ATRNL1: variants seen among roughly 807,000 people sequenced by gnomAD.
The protein encoded by ATRNL1 is attractin-like protein 1.
Under a neutral mutation model 182.7 loss-of-function variants are expected in ATRNL1, and 95 were observed. That is an observed-to-expected ratio of 0.52 (90% CI 0.44 to 0.62). ATRNL1 has a LOEUF of 0.62. Ranked by LOEUF, ATRNL1 falls within the 20% of genes least tolerant of loss-of-function variation. The probability of loss-of-function intolerance (pLI) is 0.00; values close to 1 mark genes in which losing one functional copy is unlikely to be tolerated. For missense variants in ATRNL1, 1,471 were observed against 1,679.5 expected (o/e 0.88, Z 2.17); for synonymous variants, 576 against 568.3 (o/e 1.01, Z -0.19).
intron 28 of ATRNL1, among the ~76,000 whole-genome samples, chr10:115,921,340 C>T (rs897869335): frequency 6.6e-6 from 1 of 151,796 alleles, no homozygotes; most frequent in Non-Finnish European, 1.5e-5. Flanking sequence ...TTTTTTGTCT[C>T]AGAAGTTTAT....
chr10:115,464,896 G>GTGAAGA (rs1217994296), intron 22 of ATRNL1, among the ~76,000 whole-genome samples: 17 of 151,784 alleles, frequency 1.1e-4, no homozygotes, highest in Admixed American at 3.9e-4. Context: ...AGTCCTCTGG[G>GTGAAGA]TGAAGATGAA....
intron 28 of ATRNL1, among the ~76,000 whole-genome samples, chr10:115,884,097 T>C (rs1951889741): frequency 6.6e-6 from 1 of 152,094 alleles, no homozygotes; most frequent in African/African-American, 2.4e-5. Flanking sequence ...CAAAAGAAAA[T>C]AGCAGTTTCC....
Position 115,266,929 on chromosome 10 carries a change from G to T in ATRNL1, c.1905G>T (p.Trp635Cys). The change falls in exon 12 of 29, where the codon TGG becomes TGT. Residue 635 changes from tryptophan to cysteine, a missense_variant. Physicochemically the swap from Trp to Cys is radical, Grantham distance 215 (BLOSUM62 -2). This residue lies in a region of ATRNL1 where 1,031 missense variants were observed against 1,156.0 expected (regional missense o/e 0.89). Coordinates refer to ENST00000355044, the MANE Select transcript of ATRNL1 (RefSeq NM_207303.4). ...CTGGTCCAGGGATAAAATGTGTTTG[G>T]AATAAAAATCACTGTGAATCTTGGG... is the stretch of plus-strand genomic sequence containing the variant. ...KNAGPGIKCV[W>C]NKNHCESWES... is the part of the protein sequence containing the mutation. 6.2e-7 allele frequency: 1 copy of T among 1,612,430 alleles called. No individual in the cohort carries two copies. Among genetic ancestry groups the T allele is most frequent in the Non-Finnish European group, 8.5e-7 (1 of 1,179,040 alleles).
chr10:115,527,828 CCCTT>C (rs1851307484), intron 25 of ATRNL1, among the ~76,000 whole-genome samples: 2 of 101,772 alleles, frequency 2.0e-5, no homozygotes, highest in Admixed American at 1.1e-4. Context: ...CTTCCTTCCT[CCCTT>C]CCTCCCTCCC....
At chr10:115,520,766 TGTAAA>T (rs1170629295) in intron 25 of ATRNL1, among the ~76,000 whole-genome samples, 2 of 152,214 alleles carry the variant, frequency 1.3e-5, no homozygotes, top group African/African-American at 4.8e-5. Context: ...CCTTCAGATT[TGTAAA>T]GTATTTTCTA....
chr10:115,125,858 T>G (rs782725131), intron 3 of ATRNL1, among the ~76,000 whole-genome samples: 12 of 152,218 alleles, frequency 7.9e-5, no homozygotes, highest in Admixed American at 4.6e-4. Context: ...AGCCTTGAAA[T>G]CAGCAAATGC....
At chr10:115,543,078 G>C (rs1852450844) in intron 25 of ATRNL1, among the ~76,000 whole-genome samples, 1 of 152,168 alleles carries the variant, frequency 6.6e-6, no homozygotes. Flanking sequence ...GTTCATACCA[G>C]GGAGTGTAAA....
intron 27 of ATRNL1, among the ~76,000 whole-genome samples, chr10:115,788,484 T>C (rs546197357): frequency 3.3e-5 from 5 of 152,314 alleles, no homozygotes; most frequent in South Asian, 2.1e-4. Context: ...GCAAAATTGA[T>C]GGTATAAGTA....
chr10:115,421,526 G>A (rs557032528), intron 20 of ATRNL1, among the ~76,000 whole-genome samples: 2 of 152,164 alleles, frequency 1.3e-5, no homozygotes, highest in South Asian at 4.1e-4. Context: ...GAAAAATTAG[G>A]TGTAGAGGGA....
chr10:115,434,484 C>T (rs531922184), intron 21 of ATRNL1, among the ~76,000 whole-genome samples: 1 of 152,076 alleles, frequency 6.6e-6, no homozygotes, highest in Non-Finnish European at 1.5e-5. Flanking sequence ...GGTTTCAACC[C>T]TCTTAACCAT....
intron 28 of ATRNL1, among the ~76,000 whole-genome samples, chr10:115,919,789 C>CT (rs1555118223): frequency 6.6e-6 from 1 of 152,128 alleles, no homozygotes; most frequent in Admixed American, 6.5e-5. Flanking sequence ...GATTTGGTGA[C>CT]TGGTGAGGGC....
intron 26 of ATRNL1, among the ~76,000 whole-genome samples, chr10:115,567,781 C>T (rs1555002327): frequency 6.6e-6 from 1 of 152,034 alleles, no homozygotes; most frequent in Non-Finnish European, 1.5e-5. Context: ...ATTTTAATAG[C>T]AGTTAGTTTA....
intron 28 of ATRNL1, among the ~76,000 whole-genome samples, chr10:115,915,991 A>G (rs1024777685): frequency 1.3e-5 from 2 of 152,206 alleles, no homozygotes; most frequent in Non-Finnish European, 2.9e-5. Context: ...ATTGATTTCA[A>G]TGGGAGTTAC....
intron 20 of ATRNL1, among the ~76,000 whole-genome samples, chr10:115,406,355 ATTC>A (rs1273647977): frequency 6.6e-6 from 1 of 152,058 alleles, no homozygotes; most frequent in East Asian, 1.9e-4. Context: ...TTTTATCAGT[ATTC>A]TTATATGTTT....
At chr10:115,473,937 T>C (rs975632791) in intron 24 of ATRNL1, among the ~76,000 whole-genome samples, 1 of 151,412 alleles carries the variant, frequency 6.6e-6, no homozygotes, top group Non-Finnish European at 1.5e-5. Context: ...ACATTTATAA[T>C]TTGTTTAAGT....
chr10:115,402,970 T>A (rs1310408531), intron 20 of ATRNL1, among the ~76,000 whole-genome samples: 2 of 152,154 alleles, frequency 1.3e-5, no homozygotes, highest in Non-Finnish European at 2.9e-5. Context: ...TTTTGAGAAA[T>A]GTTGCCGTAG....
chr10:115,331,667 G>T (rs892203026), intron 18 of ATRNL1, among the ~76,000 whole-genome samples: 5 of 151,006 alleles, frequency 3.3e-5, no homozygotes, highest in African/African-American at 1.2e-4. Flanking sequence ...GACAAATTAG[G>T]TATTTTTTTC....
At chr10:115,308,176 A>C (rs1554926804) in intron 17 of ATRNL1, among the ~76,000 whole-genome samples, 2 of 152,178 alleles carry the variant, frequency 1.3e-5, no homozygotes, top group Non-Finnish European at 2.9e-5. Flanking sequence ...CATTGTTTAA[A>C]ATTCACGAAT....
intron 9 of ATRNL1, among the ~76,000 whole-genome samples, chr10:115,220,732 G>GC (rs1554897278): frequency 1.0e-5 from 1 of 97,660 alleles, no homozygotes; most frequent in Admixed American, 1.2e-4. Context: ...AATGGGGGGG[G>GC]GGGGGCGGGG....
Sources: gnomAD v4.1 joint callset for allele counts (sites outside exome capture counted in the v4.1 genomes callset) on GRCh38, gnomAD v4.1.1 for gene constraint, gnomAD v4.1.1 regional missense constraint, MANE v1.5 for transcripts, NCBI Gene and HGNC (gene_info 2026-07-23, HGNC 2026-07-21) for gene names.